Variants in TGFB1I1 observed in about 807,000 individuals in gnomAD.
TGFB1I1 encodes transforming growth factor beta 1 induced transcript 1.
Under a neutral mutation model 52.0 loss-of-function variants are expected in TGFB1I1, and 33 were observed. The ratio of observed to expected loss-of-function variants is 0.63; its 90% CI spans 0.48 to 0.85. TGFB1I1 has a LOEUF of 0.85. Among genes scored for constraint, TGFB1I1 ranks in the 40% least tolerant of loss-of-function variants. The pLI is 0.00. For synonymous variants in TGFB1I1, 236 were observed against 253.3 expected, an observed-to-expected ratio of 0.93 and a Z score of 0.65; for missense variants, 577 against 614.9, an observed-to-expected ratio of 0.94 and a Z score of 0.65.
rs1285073656 is a variant in TGFB1I1 at position 31,474,582 on chromosome 16, C to A, written c.539C>A (p.Thr180Asn). The A allele has an allele frequency of 1.2e-6, 2 of 1,608,654 alleles. No homozygotes were observed. The highest frequency in any genetic ancestry group is 1.7e-6 in the Non-Finnish European group (2 of 1,176,340). The change falls in exon 7 of 11, where the codon ACT becomes AAT. Residue 180 changes from threonine (T) to asparagine (N), a missense_variant. Coordinates refer to ENST00000394863, the MANE Select transcript of TGFB1I1 (RefSeq NM_001042454.3). The surrounding 1 kb of genome is among the most constrained non-coding windows in gnomAD (Gnocchi z 4.2). ...VQNHLPASGP[T>N]QPPVVSSTNE... ...CTGCAGCTTCCAGCCTCTGGGCCAA[C>A]TCAGCCACCGGTGGTGAGCTCCACA...
chr16:31,473,570 T>C lies in TGFB1I1; in HGVS notation c.129+14T>C, dbSNP rs570782220. ...CACCAGCCACAGGTGAGATCGGATGTTGGGGACTGGGGCAGCCACTAGGGC... is the reference window on the plus strand; with the variant it reads ...CACCAGCCACAGGTGAGATCGGATGCTGGGGACTGGGGCAGCCACTAGGGC... On this transcript the variant is annotated intron_variant, in intron 2 of 10. Coordinates refer to ENST00000394863, the MANE Select transcript of TGFB1I1 (RefSeq NM_001042454.3). 48 of 1,613,260 alleles carry C rather than the reference T, an allele frequency of 3.0e-5. No homozygotes were observed. Among genetic ancestry groups the C allele is most frequent in the Middle Eastern group, 1.7e-4 (1 of 6,058 alleles).
intron 1 of TGFB1I1, 61 bp downstream of exon 1, chr16:31,472,262 G>A: frequency 1.4e-6 from 2 of 1,419,240 alleles, no homozygotes; most frequent in Non-Finnish European, 1.8e-6. Context: ...CTGCCTCCCC[G>A]CCGTCGCTCT....
chr16:31,474,407 G>T lies in TGFB1I1; in HGVS notation c.471G>T (p.Glu157Asp). ...PKASATSATLELDRLMASLSD... is the reference protein window; with the variant it reads ...PKASATSATLDLDRLMASLSD... ...CTTCTGCCACCTCAGCCACTCTGGA[G>T]CTGGATAGACTGATGGCCTCACTCT... The change falls in exon 6 of 11, where the codon GAG becomes GAT. Residue 157 changes from glutamate to aspartate, a missense_variant. Around this residue, in one of 3 missense-constraint regions of TGFB1I1, gnomAD observed 456 missense variants for 461.6 expected, o/e 0.99. Transcript: ENST00000394863. The surrounding 1 kb of genome is among the most constrained non-coding windows in gnomAD (Gnocchi z 4.2). 6.2e-7 allele frequency: 1 copy of T among 1,614,214 alleles called. No homozygotes were observed. Among genetic ancestry groups the T allele is most frequent in the Non-Finnish European group, 8.5e-7 (1 of 1,180,044 alleles).
At position 31,473,935 on chromosome 16, in the gene TGFB1I1, C is replaced by T. The variant is rs778169254; in HGVS notation, c.283C>T (p.Arg95Trp). ...VLGTGLCELD[R>W]LLQELNATQF... Reference sequence around the variant, plus strand: ...GGGTACCGGGCTCTGTGAGCTAGATCGGTTGCTTCAGGAACTTAATGCCAC... The same window carrying T: ...GGGTACCGGGCTCTGTGAGCTAGATTGGTTGCTTCAGGAACTTAATGCCAC... The change falls in exon 4 of 11, where the codon CGG becomes TGG. Residue 95 changes from arginine to tryptophan, a missense_variant. Transcript: ENST00000394863. The T allele has an allele frequency of 5.0e-6, 8 of 1,600,864 alleles. No individual in the cohort carries two copies. Among genetic ancestry groups the T allele is most frequent in the East Asian group, 2.3e-5 (1 of 43,940 alleles).
In TGFB1I1 at chr16:31,474,290, G is replaced by C. The variant is rs750680104; in HGVS notation, c.413+51G>C. On this transcript the variant is annotated intron_variant, in intron 5 of 10. Transcript: ENST00000394863. The surrounding 1 kb of genome is among the most constrained non-coding windows in gnomAD (Gnocchi z 4.2). Reference sequence around the variant, plus strand: ...TGAGAGATGAGTCCTGGATATCTGAGTCACTAGAGGGAGCGTTGCTCTGGG... The same window carrying C: ...TGAGAGATGAGTCCTGGATATCTGACTCACTAGAGGGAGCGTTGCTCTGGG... 6.2e-7 allele frequency: 1 copy of C among 1,613,636 alleles called. No individual in the cohort carries two copies. Among genetic ancestry groups the C allele is most frequent in the Non-Finnish European group, 8.5e-7 (1 of 1,179,592 alleles).
At chr16:31,475,676 C>T (rs1043841055) in intron 7 of TGFB1I1, 3 of 207,838 alleles carry the variant, frequency 1.4e-5, no homozygotes, top group Non-Finnish European at 2.9e-5. Flanking sequence ...AATCCTCCCA[C>T]CTCAGCCTCC....
chr16:31,472,234 C>T, intron 1 of TGFB1I1, 33 bp downstream of exon 1: 2 of 1,480,712 alleles, frequency 1.4e-6, no homozygotes, highest in Non-Finnish European at 1.8e-6. Context: ...GTCCGTGGCC[C>T]CTCACCGCTG....
At chr16:31,473,035 G>A in intron 1 of TGFB1I1, 1 of 217,754 alleles carries the variant, frequency 4.6e-6, no homozygotes, top group Non-Finnish European at 8.1e-6. Flanking sequence ...GCCTGGGAGT[G>A]GCCAGGCTGG....
chr16:31,475,957 C>T, intron 7 of TGFB1I1, 55 bp from the exon 8 acceptor site: 1 of 1,557,822 alleles, frequency 6.4e-7, no homozygotes, highest in South Asian at 1.2e-5. Flanking sequence ...AATCTTGCCT[C>T]ACTGGGCATG....
At position 31,476,728 on chromosome 16, in the gene TGFB1I1, C is replaced by G. The variant is rs2082426382; in HGVS notation, c.971-134C>G. 6.7e-7 allele frequency: 1 copy of G among 1,495,664 alleles called. No homozygotes were observed. The highest frequency in any genetic ancestry group is 2.5e-5 in the East Asian group (1 of 40,696). The allele number at this position is 1,495,664 out of a possible 1,614,324, so 92.6% of individuals were successfully genotyped here. A position where few individuals can be genotyped will look rare whatever the true frequency, so the allele number is the denominator to read the frequency against. ...GGACCCGAGCCCTCCCCGCTCTGTC[C>G]CGCCATAGACCCGGCTCCTCCTTCC... On this transcript the variant is annotated intron_variant, in intron 9 of 10. Transcript: ENST00000394863. The surrounding 1 kb of genome is among the most constrained non-coding windows in gnomAD (Gnocchi z 7.6).
Position 31,477,338 on chromosome 16 carries a change from G to C in TGFB1I1, c.1148G>C (p.Ser383Thr). 2 of 1,611,098 alleles carry C rather than the reference G, an allele frequency of 1.2e-6. No individual in the cohort carries two copies. Among genetic ancestry groups the C allele is most frequent in the Non-Finnish European group, 1.7e-6 (2 of 1,178,650 alleles). ...RECFAPFSGG[S>T]FFEHEGRPLC... ...TGCTTCGCGCCCTTCTCGGGAGGCA[G>C]CTTTTTCGAGCACGAGGGCCGCCCG... is the stretch of plus-strand genomic sequence containing the variant. The change falls in exon 11 of 11, where the codon AGC becomes ACC. Residue 383 changes from serine (S) to threonine (T), a missense_variant. Physicochemically the swap from Ser to Thr is moderately conservative, Grantham distance 58 (BLOSUM62 1). Transcript: ENST00000394863. This position sits in a 1 kb window ranked among gnomAD's most constrained non-coding sequence, Gnocchi z 4.7.
In TGFB1I1 at chr16:31,476,733, A is replaced by G. The variant is rs1396101744; in HGVS notation, c.971-129A>G. 5.3e-6 allele frequency: 8 copies of G among 1,508,320 alleles called. No homozygotes were observed. The highest frequency in any genetic ancestry group is 3.6e-6 in the Non-Finnish European group (4 of 1,119,484). The allele number at this position is 1,508,320 out of a possible 1,614,324, so 93.4% of individuals were successfully genotyped here. A position where few individuals can be genotyped will look rare whatever the true frequency, so the allele number is the denominator to read the frequency against. On this transcript the variant is annotated intron_variant, in intron 9 of 10. Transcript: ENST00000394863. This position sits in a 1 kb window ranked among gnomAD's most constrained non-coding sequence, Gnocchi z 7.6. Reference sequence around the variant, plus strand: ...CGAGCCCTCCCCGCTCTGTCCCGCCATAGACCCGGCTCCTCCTTCCCCAAG... The same window carrying G: ...CGAGCCCTCCCCGCTCTGTCCCGCCGTAGACCCGGCTCCTCCTTCCCCAAG...
chr16:31,473,627 C>T (rs2082404156), intron 2 of TGFB1I1, 55 bp from the exon 3 acceptor site: 5 of 1,601,164 alleles, frequency 3.1e-6, no homozygotes, highest in South Asian at 1.1e-5. Flanking sequence ...GGATCTCAGC[C>T]TCAGTGGGGC....
rs773740132 is a variant in TGFB1I1, at chr16:31,474,337, A to G, written c.414-13A>G. ...TGGGAGGCTCTGAGATGACACAAGC[A>G]TGTTCTTCACAGCCCTTCCAGCCCG... On this transcript the variant is annotated splice_polypyrimidine_tract_variant and intron_variant, in intron 5 of 10. Coordinates refer to ENST00000394863, the MANE Select transcript of TGFB1I1 (RefSeq NM_001042454.3). This position sits in a 1 kb window ranked among gnomAD's most constrained non-coding sequence, Gnocchi z 4.2. 4.3e-6 allele frequency: 7 copies of G among 1,614,122 alleles called. No individual in the cohort carries two copies. The East Asian group carries it at 1.6e-4, about 36-fold the overall frequency.
Position 31,477,695 on chromosome 16 carries a change from C to G in TGFB1I1, c.*119C>G. The G allele has an allele frequency of 2.2e-6, 3 of 1,344,826 alleles. No individual in the cohort carries two copies. The highest frequency in any genetic ancestry group is 3.0e-6 in the Non-Finnish European group (3 of 1,014,378). The allele number at this position is 1,344,826 out of a possible 1,614,324, so 83.3% of individuals were successfully genotyped here. On this transcript the variant is annotated 3_prime_UTR_variant, in exon 11 of 11. Transcript: ENST00000394863. This position sits in a 1 kb window ranked among gnomAD's most constrained non-coding sequence, Gnocchi z 4.7. The stretch of plus-strand genomic sequence containing the variant: ...GCCCCACCCACTGGAGAGCCCCGCC[C>G]CTAAGGTACTATGAGTCCTCAGGGG...
chr16:31,477,500 C>T lies in TGFB1I1; in HGVS notation c.1310C>T (p.Pro437Leu). The T allele has an allele frequency of 6.2e-7, 1 of 1,609,100 alleles. No individual in the cohort carries two copies. Among genetic ancestry groups the T allele is most frequent in the Non-Finnish European group, 8.5e-7 (1 of 1,178,316 alleles). The change falls in exon 11 of 11, where the codon CCG becomes CTG. Residue 437 changes from proline to leucine, a missense_variant. Coordinates refer to ENST00000394863, the MANE Select transcript of TGFB1I1 (RefSeq NM_001042454.3). This position sits in a 1 kb window ranked among gnomAD's most constrained non-coding sequence, Gnocchi z 4.7. Reference sequence around the variant, plus strand: ...TTCACATGCACCTTCTGCCTGCGCCCGCTCACCAAGGGGTCCTTCCAGGAG... The same window carrying T: ...TTCACATGCACCTTCTGCCTGCGCCTGCTCACCAAGGGGTCCTTCCAGGAG... The part of the protein sequence containing the change: ...DHFTCTFCLR[P>L]LTKGSFQERA...
Position 31,474,842 on chromosome 16 carries a change from T to C in TGFB1I1, c.714+85T>C. On this transcript the variant is annotated intron_variant, in intron 7 of 10. Transcript: ENST00000394863. The surrounding 1 kb of genome is among the most constrained non-coding windows in gnomAD (Gnocchi z 4.2). ...AGCTGGGCTTTATGCTGTTCCCTTTTAGTAAGTTAATCTGGGAAGTGGGTA... is the reference window on the plus strand; with the variant it reads ...AGCTGGGCTTTATGCTGTTCCCTTTCAGTAAGTTAATCTGGGAAGTGGGTA... 2.3e-6 allele frequency: 3 copies of C among 1,308,886 alleles called. No individual in the cohort carries two copies. The highest frequency in any genetic ancestry group is 3.2e-6 in the Non-Finnish European group (3 of 946,364). The allele number at this position is 1,308,886 out of a possible 1,614,324, so 81.1% of individuals were successfully genotyped here. A position where few individuals can be genotyped will look rare whatever the true frequency, so the allele number is the denominator to read the frequency against.
intron 2 of TGFB1I1, 41 bp from the exon 3 acceptor site, chr16:31,473,641 G>A: frequency 6.3e-7 from 1 of 1,589,834 alleles, no homozygotes; most frequent in African/African-American, 1.3e-5. Context: ...GTGGGGCAGA[G>A]TGCAGGCCTG....
In TGFB1I1 at chr16:31,477,119, G is replaced by C. The variant is rs2082430530; in HGVS notation, c.1119+109G>C. The C allele has an allele frequency of 2.9e-6, 4 of 1,383,048 alleles. No homozygotes were observed. Among genetic ancestry groups the C allele is most frequent in the Non-Finnish European group, 2.9e-6 (3 of 1,041,542 alleles). 85.7% of individuals were successfully genotyped at this position (1,383,048 alleles called of 1,614,324 possible). On this transcript the variant is annotated intron_variant, in intron 10 of 10. Coordinates refer to ENST00000394863, the MANE Select transcript of TGFB1I1 (RefSeq NM_001042454.3). The surrounding 1 kb of genome is among the most constrained non-coding windows in gnomAD (Gnocchi z 4.7). ...GTGCAGGGCAGGGGGCGGGCCCTCG[G>C]GGGGGCGGGTCACGGGAGGTGCTGC... is the stretch of plus-strand genomic sequence containing the variant.
Sources: gnomAD v4.1 joint callset for allele counts on GRCh38, gnomAD v4.1.1 for gene constraint, gnomAD v4.1.1 regional missense constraint, Gnocchi (gnomAD v3.1) non-coding constraint, MANE v1.5 for transcripts, NCBI Gene and HGNC (gene_info 2026-07-23, HGNC 2026-07-21) for gene names.